Variants in ADGRL4 observed in about 807,000 individuals in gnomAD.
ADGRL4 encodes the protein adhesion G protein-coupled receptor L4.
ADGRL4 carries 90 observed loss-of-function variants against 74.8 expected under a neutral mutation model. The ratio of observed to expected loss-of-function variants is 1.20; its 90% CI spans 1.02 to 1.43. The LOEUF is 1.43. Among genes scored for constraint, ADGRL4 ranks in the 40% most tolerant of loss-of-function variants. The probability of loss-of-function intolerance (pLI) is 0.00; values close to 1 mark genes in which losing one functional copy is unlikely to be tolerated. For missense variants in ADGRL4, 881 were observed against 814.3 expected (o/e 1.08, Z -1.00); for synonymous variants, 311 against 279.2 (o/e 1.11, Z -1.14).
rs559728780 is a variant in ADGRL4 at position 78,931,070 on chromosome 1, G to A, written c.878-3979C>T. On this transcript the variant is annotated intron_variant, in intron 7 of 14. Transcript: ENST00000370742. ...CAAGACAGGCCAACATGCAAATTCAGCAAATACAGAGAGCACCACTAAGAT... is the reference window on the plus strand; with the variant it reads ...CAAGACAGGCCAACATGCAAATTCAACAAATACAGAGAGCACCACTAAGAT... Among the ~76,000 whole-genome samples, 3 of 151,318 alleles carry A rather than the reference G, an allele frequency of 2.0e-5. 1 individual carries two copies. Among genetic ancestry groups the A allele is most frequent in the Admixed American group, 6.6e-5 (1 of 15,248 alleles).
intron 2 of ADGRL4, among the ~76,000 whole-genome samples, chr1:78,958,471 C>T (rs907731579): frequency 6.6e-6 from 1 of 152,184 alleles, no homozygotes; most frequent in African/African-American, 2.4e-5. Flanking sequence ...GATTCCAACC[C>T]TCATAGATGA....
intron 12 of ADGRL4, among the ~76,000 whole-genome samples, chr1:78,908,978 T>TTA (rs1262892912): frequency 6.6e-6 from 1 of 151,898 alleles, no homozygotes; most frequent in Non-Finnish European, 1.5e-5. Context: ...CCACTTTTCC[T>TTA]TATTTTGAAT....
intron 4 of ADGRL4, among the ~76,000 whole-genome samples, chr1:78,938,728 A>C (rs1352360679): frequency 6.6e-6 from 1 of 152,058 alleles, no homozygotes; most frequent in Non-Finnish European, 1.5e-5. Context: ...ATTTGCTTTA[A>C]ACTGACAGTT....
intron 12 of ADGRL4, among the ~76,000 whole-genome samples, chr1:78,914,210 C>A (rs1182148952): frequency 1.3e-5 from 2 of 151,866 alleles, no homozygotes; most frequent in Admixed American, 1.3e-4. Context: ...CAAGGTCCTC[C>A]ACCTCAATGA....
At chr1:78,917,736 G>A (rs1344922754) in intron 11 of ADGRL4, 36 bp from the exon 12 acceptor site, 1 of 1,586,060 alleles carries the variant, frequency 6.3e-7, no homozygotes, top group East Asian at 2.2e-5. Flanking sequence ...CTATAAATAT[G>A]TTTGCATGTA....
chr1:78,978,625 C>CA (rs11436631), intron 2 of ADGRL4, among the ~76,000 whole-genome samples: 92,646 of 151,576 alleles, frequency 0.61, 28,270 homozygotes, highest in East Asian at 0.71. Context: ...TATATTTTAC[C>CA]ATACGCACAA....
At chr1:78,979,109 A>G (rs1650350323) in intron 2 of ADGRL4, among the ~76,000 whole-genome samples, 2 of 151,950 alleles carry the variant, frequency 1.3e-5, no homozygotes, top group Admixed American at 6.6e-5. Flanking sequence ...GGCCTTCCTA[A>G]CAAAGTGAGT....
At chr1:78,895,209 C>A (rs1648368362) in intron 12 of ADGRL4, among the ~76,000 whole-genome samples, 1 of 151,754 alleles carries the variant, frequency 6.6e-6, no homozygotes, top group Admixed American at 6.6e-5. Context: ...TCATGTTATC[C>A]AAAAATCACA....
chr1:78,998,362 C>CTTTTTTT lies in ADGRL4; in HGVS notation c.172+6701_172+6707dup, dbSNP rs71078519. Among the ~76,000 whole-genome samples the CTTTTTTT allele has an allele frequency of 6.2e-5, 4 of 65,010 alleles. 1 individual carries two copies. The highest frequency in any genetic ancestry group is 1.2e-4 in the African/African-American group (2 of 16,340). 42.6% of individuals were successfully genotyped at this position (65,010 alleles called of 152,430 possible). ...CAAGATATTAAAACTTCCACTGATT[C>CTTTTTTT]TTTTTTTTTTTTTTTTTTTTTTTTT... On this transcript the variant is annotated intron_variant, in intron 2 of 14. Coordinates refer to ENST00000370742, the MANE Select transcript of ADGRL4 (RefSeq NM_022159.4).
At chr1:78,916,908 G>T (rs371501160) in intron 12 of ADGRL4, among the ~76,000 whole-genome samples, 1 of 151,822 alleles carries the variant, frequency 6.6e-6, no homozygotes, top group Non-Finnish European at 1.5e-5. Context: ...TCAGGACTTA[G>T]AAATGCTCTT....
At chr1:78,992,024 C>A (rs1287905990) in intron 2 of ADGRL4, among the ~76,000 whole-genome samples, 2 of 151,976 alleles carry the variant, frequency 1.3e-5, no homozygotes, top group Non-Finnish European at 2.9e-5. Flanking sequence ...AATCTGTGTA[C>A]CTAAAAAATA....
chr1:78,927,096 CA>C lies in ADGRL4; in HGVS notation c.878-6del. ...CAAATGCAACTGCAACATTGCCTATCAATCAAATAAGTATATTTAGTGAAAT... is the reference window on the plus strand; with the variant it reads ...CAAATGCAACTGCAACATTGCCTATCATCAAATAAGTATATTTAGTGAAAT... On this transcript the variant is annotated splice_polypyrimidine_tract_variant and splice_region_variant and intron_variant, in intron 7 of 14. Coordinates refer to ENST00000370742, the MANE Select transcript of ADGRL4 (RefSeq NM_022159.4). The C allele has an allele frequency of 6.5e-7, 1 of 1,532,564 alleles. No homozygotes were observed. Among genetic ancestry groups the C allele is most frequent in the Non-Finnish European group, 9.0e-7 (1 of 1,110,088 alleles). 94.9% of individuals were successfully genotyped at this position (1,532,564 alleles called of 1,614,324 possible). A position where few individuals can be genotyped will look rare whatever the true frequency, so the allele number is the denominator to read the frequency against.
intron 12 of ADGRL4, among the ~76,000 whole-genome samples, chr1:78,901,536 C>T (rs2100655248): frequency 6.6e-6 from 1 of 152,252 alleles, no homozygotes; most frequent in African/African-American, 2.4e-5. Flanking sequence ...TTGGAAACTC[C>T]TTGGTACACA....
intron 2 of ADGRL4, among the ~76,000 whole-genome samples, chr1:78,980,959 T>G (rs1343628228): frequency 6.6e-6 from 1 of 151,992 alleles, no homozygotes; most frequent in Admixed American, 6.6e-5. Context: ...AACAGGTTAG[T>G]CTCCCTTATG....
intron 2 of ADGRL4, among the ~76,000 whole-genome samples, chr1:79,001,875 A>T (rs10782674): frequency 0.99 from 151,137 of 152,206 alleles, 75,046 homozygotes; most frequent in Middle Eastern, 1. Flanking sequence ...TAGAGGAAAA[A>T]GCTTGGTCTC....
chr1:78,962,582 T>C (rs941284544), intron 2 of ADGRL4, among the ~76,000 whole-genome samples: 2 of 152,184 alleles, frequency 1.3e-5, no homozygotes, highest in Non-Finnish European at 1.5e-5. Context: ...TTTATATTGA[T>C]GATGTTAGGA....
intron 2 of ADGRL4, among the ~76,000 whole-genome samples, chr1:78,998,083 T>C (rs1386468468): frequency 4.6e-5 from 7 of 152,134 alleles, no homozygotes; most frequent in African/African-American, 1.4e-4. Context: ...CCTAGATTTC[T>C]CTCCACTTCT....
intron 2 of ADGRL4, among the ~76,000 whole-genome samples, chr1:78,968,471 G>A (rs1384631539): frequency 8.0e-6 from 1 of 125,028 alleles, no homozygotes; most frequent in Non-Finnish European, 1.6e-5. Context: ...AACCAGGGAT[G>A]CATAATCGCT....
chr1:78,920,033 T>C, intron 10 of ADGRL4, 150 bp downstream of exon 10: 1 of 608,968 alleles, frequency 1.6e-6, no homozygotes. Context: ...GTGTTAGCAT[T>C]ATCAAACTTA....
Sources: allele counts gnomAD v4.1 joint callset (sites outside exome capture counted in the v4.1 genomes callset), GRCh38; gene constraint gnomAD v4.1.1; transcripts MANE v1.5; gene names NCBI Gene and HGNC (gene_info 2026-07-23, HGNC 2026-07-21).